ATP2B4: variants seen among roughly 807,000 people sequenced by gnomAD.
ATP2B4 encodes ATPase plasma membrane Ca2+ transporting 4.
In ATP2B4, 39 loss-of-function variants were observed where a neutral mutation model predicts 110.3. That is an observed-to-expected ratio of 0.35 (90% CI 0.27 to 0.46). ATP2B4 has a LOEUF of 0.46. ATP2B4 is among the 20% of genes least tolerant of loss of function. The pLI, the probability that ATP2B4 is intolerant of heterozygous loss-of-function variation, is 1.00. For synonymous variants in ATP2B4, 538 were observed against 571.7 expected, an observed-to-expected ratio of 0.94 and a Z score of 0.84; for missense variants, 1,135 against 1,530.9, an observed-to-expected ratio of 0.74 and a Z score of 4.32.
rs11371841 is a variant in ATP2B4 at position 203,665,799 on chromosome 1, C to CAAAA, written c.-464-16929_-464-16926dup. Among the ~76,000 whole-genome samples, 6 of 132,658 alleles carry CAAAA rather than the reference C, an allele frequency of 4.5e-5. 1 individual carries two copies. Among genetic ancestry groups the CAAAA allele is most frequent in the African/African-American group, 5.7e-5 (2 of 35,150 alleles). The allele number at this position is 132,658 out of a possible 152,430, so 87.0% of individuals were successfully genotyped here. Reference sequence around the variant, plus strand: ...CTGGTGACAGAGCTAGACTCCATCTCAAAAAAAAAAAAAAAAATTGTGTAG... The same window carrying CAAAA: ...CTGGTGACAGAGCTAGACTCCATCTCAAAAAAAAAAAAAAAAAAAAATTGTGTAG... On this transcript the variant is annotated intron_variant, in intron 1 of 20. Coordinates refer to ENST00000357681, the MANE Select transcript of ATP2B4 (RefSeq NM_001684.5).
At chr1:203,718,962 C>T (rs6593901) in intron 15 of ATP2B4, among the ~76,000 whole-genome samples, 29,596 of 151,806 alleles carry the variant, frequency 0.19, 3,010 homozygotes, top group East Asian at 0.32. Flanking sequence ...GGCTCACACC[C>T]GTAATCAATC....
At chr1:203,663,885 T>C (rs953667461) in intron 1 of ATP2B4, among the ~76,000 whole-genome samples, 6 of 152,186 alleles carry the variant, frequency 3.9e-5, no homozygotes, top group Non-Finnish European at 8.8e-5. Flanking sequence ...ATTACAGGCA[T>C]GAGCCACTGT....
chr1:203,712,188 C>A (rs756440979), intron 13 of ATP2B4, 49 bp downstream of exon 13: 6 of 1,588,742 alleles, frequency 3.8e-6, no homozygotes, highest in South Asian at 3.4e-5. Context: ...AAGGAAAAGG[C>A]GGGTTCTAGC....
intron 20 of ATP2B4, chr1:203,733,520 C>A: frequency 9.1e-7 from 1 of 1,100,714 alleles, no homozygotes; most frequent in Non-Finnish European, 1.2e-6. Context: ...GATATTTTGA[C>A]TTAAGGGAAG....
rs148318069 is a variant in ATP2B4 at position 203,712,044 on chromosome 1, A to G, written c.2116A>G (p.Ile706Val). The change falls in exon 13 of 21, where the codon ATT (isoleucine) becomes GTT (valine). Residue 706 changes from isoleucine (I) to valine (V), a missense_variant. By Grantham distance (29) the Ile-to-Val change is conservative (BLOSUM62 3). This residue lies in a region of ATP2B4 where 368 missense variants were observed against 455.9 expected (regional missense o/e 0.81). Coordinates refer to ENST00000357681, the MANE Select transcript of ATP2B4 (RefSeq NM_001684.5). ...TGACAACATCAACACAGCCCGGGCCATTGCCACCAAATGTGGCATTCTGAC... is the reference window on the plus strand; with the variant it reads ...TGACAACATCAACACAGCCCGGGCCGTTGCCACCAAATGTGGCATTCTGAC... Reference protein sequence around the residue: ...TGDNINTARAIATKCGILTPG... With the variant: ...TGDNINTARAVATKCGILTPG... The G allele has an allele frequency of 4.2e-4, 677 of 1,614,158 alleles. No homozygotes were observed. Among genetic ancestry groups the G allele is most frequent in the Non-Finnish European group, 5.3e-4 (622 of 1,180,016 alleles).
chr1:203,711,073 G>A lies in ATP2B4; in HGVS notation c.1996G>A (p.Ala666Thr), dbSNP rs138521935. ...GATCCTCACCGAACTGACCTGTATC[G>A]CGGTGGTGGGCATTGAGGACCCTGT... ...NEILTELTCI[A>T]VVGIEDPVRP... Residue 666 changes from alanine (A) to threonine (T), a missense_variant, in exon 12 of 21, where the codon GCG becomes ACG. By Grantham distance (58) the Ala-to-Thr change is moderately conservative. Transcript: ENST00000357681. 1.4e-4 allele frequency: 226 copies of A among 1,614,038 alleles called. No homozygotes were observed. The East Asian group carries it at 2.6e-3, about 19-fold the overall frequency.
At chr1:203,733,230 T>C in intron 20 of ATP2B4, 1 of 1,612,634 alleles carries the variant, frequency 6.2e-7, no homozygotes, top group Non-Finnish European at 8.5e-7. Context: ...CAGATCGACG[T>C]AATTAACACA....
At chr1:203,678,338 T>C (rs1249007681) in intron 1 of ATP2B4, among the ~76,000 whole-genome samples, 1 of 151,884 alleles carries the variant, frequency 6.6e-6, no homozygotes, top group African/African-American at 2.4e-5. Context: ...CTGACTAGTG[T>C]TTACACTTTG....
chr1:203,680,221 TG>T (rs1196214278), intron 1 of ATP2B4, among the ~76,000 whole-genome samples: 1 of 152,022 alleles, frequency 6.6e-6, no homozygotes, highest in African/African-American at 2.4e-5. Flanking sequence ...ATTCTTTTGG[TG>T]GGGTGGGGGT....
chr1:203,734,907 G>A (rs1666837568), intron 20 of ATP2B4, among the ~76,000 whole-genome samples: 1 of 150,128 alleles, frequency 6.7e-6, no homozygotes, highest in African/African-American at 2.5e-5. Context: ...AGGATGCTGA[G>A]GCAGGAGAAT....
chr1:203,645,681 C>G (rs934328419), intron 1 of ATP2B4, among the ~76,000 whole-genome samples: 6 of 151,514 alleles, frequency 4.0e-5, no homozygotes, highest in Admixed American at 6.6e-5. Flanking sequence ...AACTCCGCCT[C>G]CTGGGTTCAA....
intron 15 of ATP2B4, among the ~76,000 whole-genome samples, chr1:203,717,459 G>C (rs1666189512): frequency 6.6e-6 from 1 of 151,838 alleles, no homozygotes; most frequent in Non-Finnish European, 1.5e-5. Flanking sequence ...TCCACCATTA[G>C]GCAGAAGAGG....
intron 18 of ATP2B4, 133 bp downstream of exon 18, chr1:203,722,822 T>A: frequency 2.4e-6 from 2 of 832,756 alleles, no homozygotes; most frequent in Non-Finnish European, 3.7e-6. Flanking sequence ...TTGAACACTT[T>A]GGGATTCCCA....
chr1:203,698,409 C>A (rs1324927959), intron 3 of ATP2B4, 55 bp downstream of exon 3: 32 of 1,558,036 alleles, frequency 2.1e-5, no homozygotes, highest in Non-Finnish European at 1.8e-6. Flanking sequence ...TCCACCACCA[C>A]CACCAAGCGC....
At chr1:203,711,337 T>G (rs76466863) in intron 12 of ATP2B4, among the ~76,000 whole-genome samples, 1 of 152,294 alleles carries the variant, frequency 6.6e-6, no homozygotes, top group African/African-American at 2.4e-5. Flanking sequence ...GGCTCATTAT[T>G]TGGTACTTAA....
intron 18 of ATP2B4, among the ~76,000 whole-genome samples, chr1:203,723,418 A>ATCTCTCTCTCTCTC (rs1491262777): frequency 7.5e-5 from 5 of 66,460 alleles, no homozygotes; most frequent in African/African-American, 2.4e-4. Flanking sequence ...TTTGAGACAG[A>ATCTCTCTCTCTCTC]TATCTCTCTC....
At chr1:203,679,405 A>C (rs1184836726) in intron 1 of ATP2B4, among the ~76,000 whole-genome samples, 1 of 152,216 alleles carries the variant, frequency 6.6e-6, no homozygotes, top group African/African-American at 2.4e-5. Context: ...ACTTTGTGCC[A>C]GCAGCTTAGC....
At chr1:203,666,849 G>A (rs1664519189) in intron 1 of ATP2B4, among the ~76,000 whole-genome samples, 1 of 152,312 alleles carries the variant, frequency 6.6e-6, no homozygotes, top group African/African-American at 2.4e-5. Context: ...TGTGGTCTTG[G>A]AAACCATGAC....
intron 2 of ATP2B4, among the ~76,000 whole-genome samples, chr1:203,697,541 AT>A (rs1665568271): frequency 6.6e-6 from 1 of 152,218 alleles, no homozygotes; most frequent in Non-Finnish European, 1.5e-5. Context: ...TATCCAGCTT[AT>A]ACTTGTTACT....
Sources: gnomAD v4.1 joint callset for allele counts (sites outside exome capture counted in the v4.1 genomes callset) on GRCh38, gnomAD v4.1.1 for gene constraint, gnomAD v4.1.1 regional missense constraint, MANE v1.5 for transcripts, NCBI Gene and HGNC (gene_info 2026-07-23, HGNC 2026-07-21) for gene names.